The following PIK3C2A variants were observed in gnomAD, a reference collection of about 807,000 sequenced individuals.
The protein encoded by PIK3C2A is phosphatidylinositol 4-phosphate 3-kinase C2 domain-containing subunit alpha.
A neutral mutation model predicts 204.5 loss-of-function variants in PIK3C2A; 97 were observed. The ratio of observed to expected loss-of-function variants is 0.47; its 90% CI spans 0.40 to 0.56. The LOEUF (loss-of-function observed/expected upper bound fraction) is 0.56, where lower values mean the gene tolerates loss of function less well. Ranked by LOEUF, PIK3C2A falls within the 20% of genes least tolerant of loss-of-function variation. PIK3C2A has a pLI of 0.00. For missense variants in PIK3C2A, 1,735 were observed against 1,969.2 expected, an observed-to-expected ratio of 0.88 and a Z score of 2.25; for synonymous variants, 653 against 664.4, an observed-to-expected ratio of 0.98 and a Z score of 0.26.
intron 8 of PIK3C2A, among the ~76,000 whole-genome samples, chr11:17,140,835 T>C (rs959694537): frequency 1.3e-5 from 2 of 152,046 alleles, no homozygotes; most frequent in Non-Finnish European, 2.9e-5. Flanking sequence ...GCTATAAAAA[T>C]AAAGGAGGGG....
rs1829630692 is a variant in PIK3C2A, at chr11:17,091,199, A to G, written c.4878+135T>C. The G allele has an allele frequency of 7.0e-6, 5 of 710,336 alleles. No homozygotes were observed. The South Asian group carries it at 9.4e-5, about 13-fold the overall frequency. The allele number at this position is 710,336 out of a possible 1,614,324, so 44.0% of individuals were successfully genotyped here. On this transcript the variant is annotated intron_variant, in intron 32 of 32. Transcript: ENST00000691414. ...GGCTTAATACCTAGGTGATAGGTTG[A>G]TAGGTATGCAGACCACAATGGTACG...
intron 1 of PIK3C2A, among the ~76,000 whole-genome samples, chr11:17,203,022 C>T (rs1049954780): frequency 6.6e-6 from 1 of 152,216 alleles, no homozygotes; most frequent in South Asian, 2.1e-4. Context: ...CCAACAATAA[C>T]TGCCTTCAAA....
At chr11:17,152,734 A>G (rs1850461559) in intron 3 of PIK3C2A, among the ~76,000 whole-genome samples, 1 of 152,174 alleles carries the variant, frequency 6.6e-6, no homozygotes, top group African/African-American at 2.4e-5. Context: ...TGCAGAAATG[A>G]AAATCCTTTA....
At chr11:17,092,421 C>T (rs1462191688) in intron 28 of PIK3C2A, 145 bp from the exon 29 acceptor site, 3 of 604,372 alleles carry the variant, frequency 5.0e-6, no homozygotes, top group Non-Finnish European at 8.8e-6. Context: ...GGCTCATGGC[C>T]TTTGGGAGGC....
chr11:17,138,189 C>A, intron 8 of PIK3C2A: 4 of 941,412 alleles, frequency 4.2e-6, no homozygotes, highest in Non-Finnish European at 6.7e-6. Context: ...TGGGTACACA[C>A]CACATGCAGA....
chr11:17,151,253 C>T (rs6486353), intron 3 of PIK3C2A, among the ~76,000 whole-genome samples: 143,533 of 152,242 alleles, frequency 0.94, 68,244 homozygotes, highest in Non-Finnish European at 1. Flanking sequence ...CAACACAGTT[C>T]AAAATTAAAT....
chr11:17,182,567 CAAAAAAAAAA>C (rs11453658), intron 1 of PIK3C2A, among the ~76,000 whole-genome samples: 1 of 91,808 alleles, frequency 1.1e-5, no homozygotes, highest in Non-Finnish European at 2.4e-5. Flanking sequence ...GACCCTGTCT[CAAAAAAAAAA>C]AAAAAAAAAG....
chr11:17,123,709 C>T (rs1343981646), intron 13 of PIK3C2A, among the ~76,000 whole-genome samples: 4 of 152,052 alleles, frequency 2.6e-5, no homozygotes, highest in Admixed American at 6.6e-5. Context: ...TTGCCATGAA[C>T]AACATATAAA....
chr11:17,147,764 C>A, intron 5 of PIK3C2A, 136 bp from the exon 6 acceptor site: 1 of 575,214 alleles, frequency 1.7e-6, no homozygotes, highest in East Asian at 2.9e-5. Context: ...CAAGTCTGAG[C>A]ATTTAAACAG....
chr11:17,153,497 A>T (rs12146573), intron 3 of PIK3C2A, among the ~76,000 whole-genome samples: 1 of 152,142 alleles, frequency 6.6e-6, no homozygotes, highest in Non-Finnish European at 1.5e-5. Context: ...AAGCTTTGTC[A>T]ATTATGATAG....
chr11:17,191,683 A>C (rs1313193119), intron 1 of PIK3C2A, among the ~76,000 whole-genome samples: 1 of 152,200 alleles, frequency 6.6e-6, no homozygotes, highest in Non-Finnish European at 1.5e-5. Flanking sequence ...CAAGTTATCG[A>C]AACTTTGGGA....
chr11:17,161,988 C>G (rs1360810574), intron 2 of PIK3C2A, among the ~76,000 whole-genome samples: 1 of 152,104 alleles, frequency 6.6e-6, no homozygotes, highest in East Asian at 1.9e-4. Flanking sequence ...TTCCTGTACA[C>G]AAACAAAATG....
intron 13 of PIK3C2A, among the ~76,000 whole-genome samples, chr11:17,126,373 G>A (rs1203877821): frequency 2.0e-5 from 3 of 152,012 alleles, no homozygotes; most frequent in Non-Finnish European, 4.4e-5. Flanking sequence ...CTGGGCAACA[G>A]TGAGACTCCA....
At chr11:17,098,814 TC>T in intron 26 of PIK3C2A, among the ~76,000 whole-genome samples, 1 of 152,158 alleles carries the variant, frequency 6.6e-6, no homozygotes, top group East Asian at 1.9e-4. Context: ...CAGGTACCCC[TC>T]CCTGCTGTGG....
intron 27 of PIK3C2A, among the ~76,000 whole-genome samples, chr11:17,096,319 T>A (rs957533663): frequency 6.6e-6 from 1 of 152,216 alleles, no homozygotes. Flanking sequence ...ATTATAGGCA[T>A]GAGCCACTGC....
At chr11:17,131,071 C>T (rs188663451) in intron 12 of PIK3C2A, among the ~76,000 whole-genome samples, 159 of 151,386 alleles carry the variant, frequency 1.1e-3, no homozygotes, top group African/African-American at 3.4e-3. Flanking sequence ...GCCTGTAATC[C>T]CAGTTACTCA....
At chr11:17,123,395 C>T (rs1460463773) in intron 13 of PIK3C2A, among the ~76,000 whole-genome samples, 2 of 150,734 alleles carry the variant, frequency 1.3e-5, no homozygotes, top group Admixed American at 6.6e-5. Flanking sequence ...ACTATAGGCA[C>T]GTGGCACCAT....
intron 19 of PIK3C2A, 104 bp downstream of exon 19, chr11:17,117,387 C>T: frequency 1.4e-6 from 1 of 700,368 alleles, no homozygotes; most frequent in South Asian, 2.2e-5. Context: ...AGTTAGAGTT[C>T]TACTGGGAGT....
At chr11:17,183,853 C>T (rs190946350) in intron 1 of PIK3C2A, among the ~76,000 whole-genome samples, 54 of 151,892 alleles carry the variant, frequency 3.6e-4, no homozygotes, top group African/African-American at 1.3e-3. Context: ...AGTCCCAGCA[C>T]CCTCCCTTTG....
Sources: gnomAD v4.1 joint callset for allele counts (sites outside exome capture counted in the v4.1 genomes callset) on GRCh38, gnomAD v4.1.1 for gene constraint, MANE v1.5 for transcripts, NCBI Gene and HGNC (gene_info 2026-07-23, HGNC 2026-07-21) for gene names.